IGF1R: variants seen among roughly 807,000 people sequenced by gnomAD.
The protein encoded by IGF1R is insulin-like growth factor 1 receptor.
Under a neutral mutation model 144.6 loss-of-function variants are expected in IGF1R, and 44 were observed. That is an observed-to-expected ratio of 0.30 (90% CI 0.24 to 0.39). IGF1R has a LOEUF of 0.39. Ranked by LOEUF, IGF1R falls within the 10% of genes least tolerant of loss-of-function variation. The pLI, the probability that IGF1R is intolerant of heterozygous loss-of-function variation, is 1.00. For missense variants in IGF1R, 1,355 were observed against 1,833.7 expected (o/e 0.74, Z 4.77); for synonymous variants, 795 against 722.8 (o/e 1.10, Z -1.60).
intron 18 of IGF1R, 148 bp downstream of exon 18, chr15:98,939,508 T>G (rs2016286608): frequency 1.2e-6 from 1 of 816,158 alleles, no homozygotes; most frequent in Non-Finnish European, 2.1e-6. Flanking sequence ...TTGTCTCCAG[T>G]TGATGGTCAC....
At chr15:98,956,066 C>G (rs1306066772) in intron 20 of IGF1R, among the ~76,000 whole-genome samples, 4 of 152,220 alleles carry the variant, frequency 2.6e-5, no homozygotes, top group Admixed American at 1.3e-4. Context: ...GTCTGTTTAG[C>G]TGGGTCTCTG....
At chr15:98,860,116 A>G (rs777371193) in intron 2 of IGF1R, among the ~76,000 whole-genome samples, 1 of 152,182 alleles carries the variant, frequency 6.6e-6, no homozygotes, top group Non-Finnish European at 1.5e-5. Context: ...GGGTTTCGCC[A>G]TGTTGGCCAG....
At chr15:98,724,639 C>G (rs1480257673) in intron 2 of IGF1R, among the ~76,000 whole-genome samples, 3 of 152,216 alleles carry the variant, frequency 2.0e-5, no homozygotes, top group Non-Finnish European at 4.4e-5. Flanking sequence ...CAGAGCAGGT[C>G]TGGCTAGAGA....
chr15:98,668,824 C>T (rs58159350), intron 1 of IGF1R, among the ~76,000 whole-genome samples: 1 of 152,300 alleles, frequency 6.6e-6, no homozygotes, highest in African/African-American at 2.4e-5. Flanking sequence ...TTTTGTAAAG[C>T]TGACACCAGC....
intron 2 of IGF1R, among the ~76,000 whole-genome samples, chr15:98,769,199 C>G (rs2055521185): frequency 6.6e-6 from 1 of 152,156 alleles, no homozygotes; most frequent in Non-Finnish European, 1.5e-5. Context: ...AAGCAAATAG[C>G]ATCAAAGAGT....
Position 98,812,033 on chromosome 15 carries a change from T to A in IGF1R, c.641-79292T>A, listed in dbSNP as rs565138622. Among the ~76,000 whole-genome samples, 267 of 152,368 alleles carry A rather than the reference T, an allele frequency of 1.8e-3. 1 individual carries two copies. The highest frequency in any genetic ancestry group is 3.7e-3 in the South Asian group (18 of 4,828). On this transcript the variant is annotated intron_variant, in intron 2 of 20. Coordinates refer to ENST00000650285, the MANE Select transcript of IGF1R (RefSeq NM_000875.5). ...CCCAGATAAAATATTTCTAGTTCTT[T>A]TACTTGTTCTTTGTTTCAGAGTTTT... is the stretch of plus-strand genomic sequence containing the variant.
At chr15:98,838,945 C>G (rs1284410067) in intron 2 of IGF1R, among the ~76,000 whole-genome samples, 12 of 152,172 alleles carry the variant, frequency 7.9e-5, no homozygotes. Flanking sequence ...TGTCTGAGTC[C>G]CCACTCAACC....
intron 1 of IGF1R, among the ~76,000 whole-genome samples, chr15:98,673,359 A>G (rs953752382): frequency 1.3e-5 from 2 of 152,152 alleles, no homozygotes; most frequent in African/African-American, 2.4e-5. Context: ...TTGTACAGTA[A>G]ATAGATGATC....
At chr15:98,830,603 A>ATTTTTTTTTTTTTTTT (rs1555450173) in intron 2 of IGF1R, among the ~76,000 whole-genome samples, 2 of 133,722 alleles carry the variant, frequency 1.5e-5, no homozygotes, top group African/African-American at 6.6e-5. Flanking sequence ...TCTGATCATC[A>ATTTTTTTTTTTTTTTT]TCTTTTTTTT....
intron 2 of IGF1R, among the ~76,000 whole-genome samples, chr15:98,879,445 G>T (rs2013256428): frequency 6.6e-6 from 1 of 152,118 alleles, no homozygotes; most frequent in Non-Finnish European, 1.5e-5. Context: ...TAAAGATGAG[G>T]CACCTTCCAC....
chr15:98,916,612 T>C (rs1161691004), intron 9 of IGF1R, 60 bp from the exon 10 acceptor site: 8 of 1,411,240 alleles, frequency 5.7e-6, no homozygotes, highest in Non-Finnish European at 8.0e-6. Flanking sequence ...TATTTTTCCT[T>C]ACAAGCATGT....
At chr15:98,710,753 G>C (rs1007617493) in intron 2 of IGF1R, among the ~76,000 whole-genome samples, 1 of 148,998 alleles carries the variant, frequency 6.7e-6, no homozygotes, top group African/African-American at 2.5e-5. Flanking sequence ...TGCAACCTCC[G>C]TCTCCTGGGT....
At chr15:98,904,399 A>G (rs139297815) in intron 5 of IGF1R, among the ~76,000 whole-genome samples, 1 of 152,284 alleles carries the variant, frequency 6.6e-6, no homozygotes, top group Non-Finnish European at 1.5e-5. Flanking sequence ...AAGTAAAGCT[A>G]TTTTTAAGAA....
chr15:98,802,999 T>G (rs567450072), intron 2 of IGF1R, among the ~76,000 whole-genome samples: 2 of 152,214 alleles, frequency 1.3e-5, no homozygotes, highest in Non-Finnish European at 2.9e-5. Flanking sequence ...AAAAATGGTT[T>G]CCTGCTGTTT....
intron 7 of IGF1R, among the ~76,000 whole-genome samples, chr15:98,912,692 A>G (rs1048517955): frequency 2.6e-5 from 4 of 152,228 alleles, no homozygotes; most frequent in Non-Finnish European, 5.9e-5. Context: ...CCTTCTTTCA[A>G]TATCTGATAT....
At chr15:98,749,413 G>C (rs567804588) in intron 2 of IGF1R, among the ~76,000 whole-genome samples, 1 of 152,214 alleles carries the variant, frequency 6.6e-6, no homozygotes, top group Non-Finnish European at 1.5e-5. Context: ...ATGGCTCTTA[G>C]AAGTATGTTT....
In IGF1R at chr15:98,938,823, G is replaced by C. The variant is rs959679598; in HGVS notation, c.3298-378G>C. 3.9e-5 allele frequency among the ~76,000 whole-genome samples: 6 copies of C among 152,290 alleles called. No individual in the cohort carries two copies. The East Asian group carries it at 1.2e-3, about 29-fold the overall frequency. Reference sequence around the variant, plus strand: ...TCTCCTTCCTCTTACCTGTACTTCGGTGATGGAAATAAAAGGAACATATAA... The same window carrying C: ...TCTCCTTCCTCTTACCTGTACTTCGCTGATGGAAATAAAAGGAACATATAA... On this transcript the variant is annotated intron_variant, in intron 17 of 20. Transcript: ENST00000650285.
intron 1 of IGF1R, among the ~76,000 whole-genome samples, chr15:98,653,799 A>G (rs2052424271): frequency 6.7e-6 from 1 of 149,808 alleles, no homozygotes; most frequent in South Asian, 2.1e-4. Context: ...TTGCAAGATC[A>G]GGGCAGTAAT....
intron 1 of IGF1R, among the ~76,000 whole-genome samples, chr15:98,663,995 C>T (rs962917809): frequency 1.3e-5 from 2 of 152,342 alleles, no homozygotes; most frequent in East Asian, 3.9e-4. Flanking sequence ...TAGTGCCACT[C>T]TCTGGGTGCT....
Sources: allele counts gnomAD v4.1 joint callset (sites outside exome capture counted in the v4.1 genomes callset), GRCh38; gene constraint gnomAD v4.1.1; transcripts MANE v1.5; gene names NCBI Gene and HGNC (gene_info 2026-07-23, HGNC 2026-07-21).